COL28A1: variants seen among roughly 807,000 people sequenced by gnomAD.
COL28A1 encodes collagen type XXVIII alpha 1 chain.
COL28A1 carries 161 observed loss-of-function variants against 150.2 expected under a neutral mutation model. The ratio of observed to expected loss-of-function variants is 1.07; its 90% CI spans 0.94 to 1.22. The LOEUF is 1.22. Ranked by LOEUF, COL28A1 falls within the 50% of genes most tolerant of loss-of-function variation. COL28A1 has a pLI of 0.00. For missense variants in COL28A1, 1,617 were observed against 1,388.3 expected, an observed-to-expected ratio of 1.16 and a Z score of -2.62; for synonymous variants, 552 against 469.7, an observed-to-expected ratio of 1.18 and a Z score of -2.26.
In COL28A1 at chr7:7,388,415, G is replaced by A. The variant is rs534271004; in HGVS notation, c.2137-6803C>T. Among the ~76,000 whole-genome samples the A allele has an allele frequency of 2.8e-4, 42 of 152,124 alleles. 1 individual carries two copies. In the South Asian group the frequency reaches 3.5e-3, roughly 13 times the overall value. ...TTTCTTTATCCAGTCCATCATTAACGGGCATTTGGGTTGGTTCCATGCCTT... is the reference window on the plus strand; with the variant it reads ...TTTCTTTATCCAGTCCATCATTAACAGGCATTTGGGTTGGTTCCATGCCTT... On this transcript the variant is annotated intron_variant, in intron 27 of 34. Transcript: ENST00000399429.
In COL28A1 at chr7:7,458,206, C is replaced by T. The variant is rs1443904356; in HGVS notation, c.1303-2094G>A. Among the ~76,000 whole-genome samples the T allele has an allele frequency of 3.9e-5, 6 of 152,064 alleles. 1 individual carries two copies. The East Asian group carries it at 7.7e-4, about 20-fold the overall frequency. The stretch of plus-strand genomic sequence containing the variant: ...CAGAGGTGGGCGGATCCCCTGAGAT[C>T]GGGAGTTCGAGACCAGCCTGACCAA... On this transcript the variant is annotated intron_variant, in intron 15 of 34. Coordinates refer to ENST00000399429, the MANE Select transcript of COL28A1 (RefSeq NM_001037763.3).
chr7:7,473,956 A>G (rs2128350188), intron 15 of COL28A1, among the ~76,000 whole-genome samples: 1 of 148,832 alleles, frequency 6.7e-6, no homozygotes, highest in South Asian at 2.1e-4. Context: ...TATACTATAT[A>G]TACAGTATAT....
At chr7:7,478,579 G>T (rs1037273680) in intron 13 of COL28A1, among the ~76,000 whole-genome samples, 6 of 152,262 alleles carry the variant, frequency 3.9e-5, no homozygotes, top group African/African-American at 1.2e-4. Flanking sequence ...ATGGCACCAG[G>T]CGCTGTGGAG....
intron 33 of COL28A1, among the ~76,000 whole-genome samples, chr7:7,370,119 C>A (rs1399933059): frequency 6.6e-6 from 1 of 152,146 alleles, no homozygotes; most frequent in East Asian, 1.9e-4. Flanking sequence ...ACATTTGTTT[C>A]AATTGATTCA....
intron 26 of COL28A1, among the ~76,000 whole-genome samples, chr7:7,418,224 C>T (rs1032257659): frequency 6.6e-6 from 1 of 152,214 alleles, no homozygotes; most frequent in Non-Finnish European, 1.5e-5. Flanking sequence ...CCTTCACTGC[C>T]CTACCACCAA....
chr7:7,538,848 T>C (rs1339883306), upstream of COL28A1, among the ~76,000 whole-genome samples: 1 of 151,764 alleles, frequency 6.6e-6, no homozygotes, highest in Non-Finnish European at 1.5e-5. Flanking sequence ...ACTGCTGATC[T>C]AGAGTAGAAA....
chr7:7,431,055 T>C (rs1784934804), intron 25 of COL28A1, among the ~76,000 whole-genome samples: 1 of 152,198 alleles, frequency 6.6e-6, no homozygotes, highest in Non-Finnish European at 1.5e-5. Context: ...CTCCAATCTT[T>C]TATTCCACCT....
intron 9 of COL28A1, among the ~76,000 whole-genome samples, chr7:7,508,696 G>A (rs1229686499): frequency 6.6e-6 from 1 of 152,078 alleles, no homozygotes; most frequent in Non-Finnish European, 1.5e-5. Flanking sequence ...TGTTGTTGTT[G>A]TTTGAGACAG....
chr7:7,394,806 C>T (rs372665102), intron 27 of COL28A1, among the ~76,000 whole-genome samples: 1 of 152,166 alleles, frequency 6.6e-6, no homozygotes, highest in Non-Finnish European at 1.5e-5. Context: ...TCCCAAGGTT[C>T]CTTTGTCATC....
At chr7:7,526,093 C>T (rs1265729719) in intron 3 of COL28A1, among the ~76,000 whole-genome samples, 1 of 152,200 alleles carries the variant, frequency 6.6e-6, no homozygotes, top group Non-Finnish European at 1.5e-5. Flanking sequence ...AATGGTATTA[C>T]CCTCTGTAGA....
At chr7:7,435,188 G>T (rs748608848) in intron 23 of COL28A1, among the ~76,000 whole-genome samples, 3 of 152,128 alleles carry the variant, frequency 2.0e-5, no homozygotes, top group African/African-American at 7.2e-5. Context: ...CATTTAATTG[G>T]ATTGTATTCC....
At chr7:7,480,646 G>C (rs1472271734) in intron 13 of COL28A1, among the ~76,000 whole-genome samples, 1 of 152,116 alleles carries the variant, frequency 6.6e-6, no homozygotes, top group Non-Finnish European at 1.5e-5. Context: ...TTAAATGTAA[G>C]GAAGTATTTT....
chr7:7,418,808 C>T (rs1270612140), intron 26 of COL28A1, among the ~76,000 whole-genome samples: 1 of 152,144 alleles, frequency 6.6e-6, no homozygotes, highest in Non-Finnish European at 1.5e-5. Context: ...ATCTTCCCAT[C>T]ACCCAGTGAT....
downstream of COL28A1, among the ~76,000 whole-genome samples, chr7:7,352,749 A>C (rs959018963): frequency 2.0e-5 from 3 of 152,202 alleles, no homozygotes; most frequent in African/African-American, 7.2e-5. Context: ...AAATTATAAC[A>C]TAACACATTG....
intron 15 of COL28A1, among the ~76,000 whole-genome samples, chr7:7,474,079 A>C (rs942982269): frequency 2.3e-4 from 34 of 148,298 alleles, no homozygotes; most frequent in African/African-American, 8.1e-4. Flanking sequence ...GAATATATAT[A>C]TATATATATG....
intron 1 of COL28A1, among the ~76,000 whole-genome samples, chr7:7,535,389 T>C (rs984650386): frequency 6.6e-6 from 1 of 152,144 alleles, no homozygotes; most frequent in Non-Finnish European, 1.5e-5. Flanking sequence ...AATGATTGAA[T>C]AAAGACTTTA....
chr7:7,350,914 T>C, the COL28A1 span, among the ~76,000 whole-genome samples: 1 of 152,192 alleles, frequency 6.6e-6, no homozygotes, highest in East Asian at 1.9e-4. Context: ...AAGGGCAAAT[T>C]TGAAGGGTGG....
intron 20 of COL28A1, among the ~76,000 whole-genome samples, chr7:7,443,210 T>C (rs1044863774): frequency 3.3e-5 from 5 of 152,166 alleles, no homozygotes; most frequent in African/African-American, 1.2e-4. Context: ...TGAAGTGAAA[T>C]GGCCATTCAA....
chr7:7,386,902 C>A (rs952279883), intron 27 of COL28A1, among the ~76,000 whole-genome samples: 7 of 152,162 alleles, frequency 4.6e-5, no homozygotes, highest in African/African-American at 7.2e-5. Context: ...AGCCCACGAT[C>A]AAGGAATTGG....
Sources: gnomAD v4.1 joint callset for allele counts (sites outside exome capture counted in the v4.1 genomes callset) on GRCh38, gnomAD v4.1.1 for gene constraint, MANE v1.5 for transcripts, NCBI Gene and HGNC (gene_info 2026-07-23, HGNC 2026-07-21) for gene names.